The following RGS13 variants were observed in gnomAD, a reference collection of about 807,000 sequenced individuals.
RGS13 encodes regulator of G protein signaling 13.
A neutral mutation model predicts 19.9 loss-of-function variants in RGS13; 14 were observed. That is an observed-to-expected ratio of 0.70 (90% confidence interval 0.46 to 1.10). RGS13 has a LOEUF of 1.10. RGS13 is among the 50% of genes least tolerant of loss of function. The pLI, the probability that RGS13 is intolerant of heterozygous loss-of-function variation, is 0.00. For synonymous variants in RGS13, 60 were observed against 56.8 expected (o/e 1.06, Z -0.25); for missense variants, 205 against 187.1 (o/e 1.10, Z -0.56).
intron 5 of RGS13, among the ~76,000 whole-genome samples, chr1:192,649,359 G>C (rs1663296186): frequency 6.6e-6 from 1 of 152,054 alleles, no homozygotes; most frequent in Non-Finnish European, 1.5e-5. Flanking sequence ...TACACATTTT[G>C]CCACCTTGCT....
At chr1:192,638,605 G>T (rs1314931737) in intron 3 of RGS13, among the ~76,000 whole-genome samples, 2 of 152,012 alleles carry the variant, frequency 1.3e-5, no homozygotes, top group Admixed American at 1.3e-4. Context: ...CAGGCGGGAA[G>T]GCACCAGGCT....
chr1:192,642,985 AAGT>A (rs1359060422), intron 3 of RGS13, among the ~76,000 whole-genome samples: 1 of 152,036 alleles, frequency 6.6e-6, no homozygotes, highest in African/African-American at 2.4e-5. Context: ...ACAGCATCCC[AAGT>A]AGTTGGGACT....
chr1:192,651,070 C>CCTA (rs1663327097), intron 5 of RGS13, among the ~76,000 whole-genome samples: 1 of 151,742 alleles, frequency 6.6e-6, no homozygotes, highest in Admixed American at 6.6e-5. Context: ...AGAGATGAAA[C>CCTA]TTAGGTGTGT....
intron 3 of RGS13, among the ~76,000 whole-genome samples, chr1:192,641,290 G>GAAAGA (rs1663114869): frequency 9.1e-6 from 1 of 110,444 alleles, no homozygotes; most frequent in Non-Finnish European, 2.1e-5. Context: ...AAGAAAGAAA[G>GAAAGA]AAAGAAAGAA....
intron 3 of RGS13, among the ~76,000 whole-genome samples, chr1:192,640,690 A>C (rs1319739303): frequency 1.9e-5 from 1 of 52,630 alleles, no homozygotes; most frequent in African/African-American, 6.4e-5. Flanking sequence ...TATAGTAGAG[A>C]CTTACATAGA....
At chr1:192,639,851 C>A (rs563160228) in intron 3 of RGS13, among the ~76,000 whole-genome samples, 20 of 152,262 alleles carry the variant, frequency 1.3e-4, no homozygotes, top group African/African-American at 4.1e-4. Context: ...AATTCTAGTG[C>A]ATCCAGAAAT....
intron 4 of RGS13, chr1:192,647,114 G>C (rs1328157456): frequency 6.6e-6 from 1 of 152,162 alleles, no homozygotes; most frequent in Admixed American, 6.6e-5. Flanking sequence ...TGTATTACAT[G>C]AGTGCATGCA....
At chr1:192,658,747 A>G (rs376049559) in intron 6 of RGS13, 1 of 181,362 alleles carries the variant, frequency 5.5e-6, no homozygotes. Flanking sequence ...TTGGGCAATG[A>G]GAAATAAAAA....
chr1:192,650,330 A>C (rs553372642), intron 5 of RGS13, among the ~76,000 whole-genome samples: 1 of 152,208 alleles, frequency 6.6e-6, no homozygotes, highest in South Asian at 2.1e-4. Flanking sequence ...AGTTCACATA[A>C]AAATTCAACA....
chr1:192,655,095 C>G (rs1663411161), intron 5 of RGS13, among the ~76,000 whole-genome samples: 1 of 152,054 alleles, frequency 6.6e-6, no homozygotes, highest in Non-Finnish European at 1.5e-5. Flanking sequence ...AATCGAAATT[C>G]TAAAGAGAGC....
chr1:192,641,360 A>G (rs141531419), intron 3 of RGS13, among the ~76,000 whole-genome samples: 238 of 150,486 alleles, frequency 1.6e-3, no homozygotes, highest in African/African-American at 5.4e-3. Flanking sequence ...AGAGAGAGAG[A>G]GGGGAAAAGG....
intron 5 of RGS13, among the ~76,000 whole-genome samples, chr1:192,653,101 C>T (rs1663371438): frequency 1.3e-5 from 2 of 151,686 alleles, no homozygotes; most frequent in South Asian, 2.1e-4. Context: ...AAAAATAATA[C>T]GTAAAAGAGA....
At position 192,646,124 on chromosome 1, in the gene RGS13, A is replaced by C. The variant is rs1428036228; in HGVS notation, c.65+1725A>C. The C allele has an allele frequency of 2.0e-5, 3 of 152,184 alleles. No individual in the cohort carries two copies. In the East Asian group the frequency reaches 5.8e-4, roughly 29 times the overall value. 9.4% of individuals were successfully genotyped at this position (152,184 alleles called of 1,614,324 possible). ...TTTCATGGAAATGTTTTTTGAAAGC[A>C]ATCTTAACACAGTACACTGTTAAGC... is the stretch of plus-strand genomic sequence containing the variant. On this transcript the variant is annotated intron_variant, in intron 4 of 6. Coordinates refer to ENST00000391995, the MANE Select transcript of RGS13 (RefSeq NM_002927.5).
intron 5 of RGS13, 66 bp from the exon 6 acceptor site, chr1:192,658,135 G>C: frequency 8.5e-7 from 1 of 1,182,562 alleles, no homozygotes; most frequent in Non-Finnish European, 1.2e-6. Context: ...TTTTTTAACT[G>C]TATTGCTTAG....
At position 192,659,747 on chromosome 1, in the gene RGS13, A is replaced by T. The variant is rs1456722241; in HGVS notation, c.*224A>T. On this transcript the variant is annotated 3_prime_UTR_variant, in exon 7 of 7. Coordinates refer to ENST00000391995, the MANE Select transcript of RGS13 (RefSeq NM_002927.5). ...ACAGCAAGCCTATGTAGTTCAATTA[A>T]TATATAAGGAAAAGGAAGGTCTTTC... 3 of 382,582 alleles carry T rather than the reference A, an allele frequency of 7.8e-6. No homozygotes were observed. Among genetic ancestry groups the T allele is most frequent in the Non-Finnish European group, 1.4e-5 (3 of 217,346 alleles). The allele number at this position is 382,582 out of a possible 1,614,324, so 23.7% of individuals were successfully genotyped here. A position where few individuals can be genotyped will look rare whatever the true frequency, so the allele number is the denominator to read the frequency against.
rs777526392 is a variant in RGS13 at position 192,641,162 on chromosome 1, AAG to A, written c.-5+2967_-5+2968del. ...GAAGGAAAGAAAGAAAGAGGAAAGAAAGAGAGAGAAAGAAAGAAAAGAAAGAA... is the reference window on the plus strand; with the variant it reads ...GAAGGAAAGAAAGAAAGAGGAAAGAAAGAGAGAAAGAAAGAAAAGAAAGAA... On this transcript the variant is annotated intron_variant, in intron 3 of 6. Transcript: ENST00000391995. 2.0e-5 allele frequency among the ~76,000 whole-genome samples: 3 copies of A among 151,134 alleles called. No individual in the cohort carries two copies. The Admixed American group carries it at 2.0e-4, about 10-fold the overall frequency.
intron 5 of RGS13, among the ~76,000 whole-genome samples, chr1:192,655,858 G>A (rs1320580199): frequency 6.6e-6 from 1 of 151,878 alleles, no homozygotes; most frequent in African/African-American, 2.4e-5. Context: ...GAAACAGATC[G>A]TGAAGACAGA....
intron 5 of RGS13, among the ~76,000 whole-genome samples, chr1:192,649,122 C>T (rs1277694485): frequency 6.6e-6 from 1 of 152,088 alleles, no homozygotes; most frequent in Non-Finnish European, 1.5e-5. Flanking sequence ...TTGTAGCATG[C>T]CTTTCCAATG....
intron 4 of RGS13, chr1:192,645,224 G>C (rs1011451203): frequency 5.3e-5 from 8 of 152,124 alleles, no homozygotes; most frequent in Non-Finnish European, 1.0e-4. Flanking sequence ...CTAATTAAGG[G>C]ACAGCTCTCC....
Sources: gnomAD v4.1 joint callset for allele counts (sites outside exome capture counted in the v4.1 genomes callset) on GRCh38, gnomAD v4.1.1 for gene constraint, MANE v1.5 for transcripts, NCBI Gene and HGNC (gene_info 2026-07-23, HGNC 2026-07-21) for gene names.